ACCSL: variants seen among roughly 807,000 people sequenced by gnomAD.
ACCSL encodes the protein 1-aminocyclopropane-1-carboxylate synthase homolog (inactive) like, also known as probable inactive 1-aminocyclopropane-1-carboxylate synthase-like protein 2.
Under a neutral mutation model 61.7 loss-of-function variants are expected in ACCSL, and 55 were observed. The observed-to-expected ratio is 0.89, with a 90% confidence interval of 0.72 to 1.12. The LOEUF (loss-of-function observed/expected upper bound fraction) is 1.12, where lower values mean the gene tolerates loss of function less well. ACCSL is among the 50% of genes most tolerant of loss of function. The pLI, the probability that ACCSL is intolerant of heterozygous loss-of-function variation, is 0.00. For missense variants in ACCSL, 632 were observed against 698.0 expected, an observed-to-expected ratio of 0.91 and a Z score of 1.07; for synonymous variants, 258 against 264.3, an observed-to-expected ratio of 0.98 and a Z score of 0.23.
At chr11:43,996,615 A>C in the ACCSL span, among the ~76,000 whole-genome samples, 1 of 152,168 alleles carries the variant, frequency 6.6e-6, no homozygotes, top group African/African-American at 2.4e-5. Context: ...ACAAGTGTAC[A>C]TCTGAATCTG....
the ACCSL span, among the ~76,000 whole-genome samples, chr11:44,021,689 G>T: frequency 6.6e-6 from 1 of 152,114 alleles, no homozygotes; most frequent in Non-Finnish European, 1.5e-5. Flanking sequence ...TGAACTCTTT[G>T]CCTAAGTCAG....
At chr11:44,027,575 TC>T in the ACCSL span, among the ~76,000 whole-genome samples, 171 of 152,260 alleles carry the variant, frequency 1.1e-3, no homozygotes, top group African/African-American at 3.9e-3. Context: ...CCTTCTTCTT[TC>T]CCCTTTTTCA....
the ACCSL span, among the ~76,000 whole-genome samples, chr11:43,935,672 A>T: frequency 6.6e-6 from 1 of 152,044 alleles, no homozygotes; most frequent in East Asian, 1.9e-4. Flanking sequence ...TTTTTTAGAG[A>T]TGTGGTCTCA....
chr11:43,967,289 T>G, the ACCSL span, among the ~76,000 whole-genome samples: 12 of 148,654 alleles, frequency 8.1e-5, no homozygotes, highest in African/African-American at 1.2e-4. Flanking sequence ...GTGATTCTCC[T>G]GCCTCAGCCT....
At chr11:44,032,155 G>T in the ACCSL span, among the ~76,000 whole-genome samples, 1 of 152,182 alleles carries the variant, frequency 6.6e-6, no homozygotes, top group African/African-American at 2.4e-5. Context: ...GGGTCCTTCT[G>T]CTTCACATGG....
At chr11:44,012,232 A>G in the ACCSL span, among the ~76,000 whole-genome samples, 345 of 151,828 alleles carry the variant, frequency 2.3e-3, no homozygotes, top group Non-Finnish European at 3.2e-3. Flanking sequence ...GATGCTGGCT[A>G]GGTATGGAGA....
chr11:43,980,848 G>A, the ACCSL span, among the ~76,000 whole-genome samples: 7 of 142,932 alleles, frequency 4.9e-5, no homozygotes, highest in Admixed American at 1.4e-4. Flanking sequence ...TGGGGTAAGC[G>A]CTATTATCAT....
At chr11:44,053,158 A>G in intron 7 of ACCSL, 90 bp downstream of exon 7, 2 of 1,203,898 alleles carry the variant, frequency 1.7e-6, no homozygotes, top group Non-Finnish European at 2.4e-6. Context: ...ATTCACCAAG[A>G]CCTGGTGGGC....
At chr11:44,047,935 T>C (rs1243764316), upstream of ACCSL, 3 of 1,424,830 alleles carry the variant, frequency 2.1e-6, no homozygotes, top group Non-Finnish European at 2.8e-6. Flanking sequence ...CATCCATTCC[T>C]GGACCTGAGG....
chr11:43,986,478 C>G, the ACCSL span, among the ~76,000 whole-genome samples: 19 of 152,226 alleles, frequency 1.2e-4, no homozygotes, highest in African/African-American at 4.3e-4. Context: ...GCCAGCCTCA[C>G]AGACCTCTCC....
chr11:44,041,818 G>T, the ACCSL span, among the ~76,000 whole-genome samples: 1 of 152,178 alleles, frequency 6.6e-6, no homozygotes, highest in Non-Finnish European at 1.5e-5. Context: ...TCCCAATTGT[G>T]TAGGAGGCTG....
the ACCSL span, among the ~76,000 whole-genome samples, chr11:43,930,592 T>G: frequency 1.3e-5 from 2 of 152,132 alleles, no homozygotes; most frequent in Non-Finnish European, 2.9e-5. Flanking sequence ...CTTTCTACCA[T>G]GAATAAAAGC....
chr11:43,946,726 G>A, the ACCSL span, among the ~76,000 whole-genome samples: 3 of 152,182 alleles, frequency 2.0e-5, no homozygotes, highest in African/African-American at 4.8e-5. Context: ...TAAAAGTGAT[G>A]TCTTATTTGT....
the ACCSL span, among the ~76,000 whole-genome samples, chr11:44,015,106 G>C: frequency 6.6e-6 from 1 of 152,350 alleles, no homozygotes; most frequent in East Asian, 1.9e-4. Context: ...TGGAGTAGGT[G>C]CTCCATAAAC....
the ACCSL span, among the ~76,000 whole-genome samples, chr11:43,954,824 A>G: frequency 1.3e-5 from 2 of 151,968 alleles, no homozygotes; most frequent in African/African-American, 4.8e-5. Flanking sequence ...ATCTCAAGTG[A>G]TCCACCTGCC....
the ACCSL span, among the ~76,000 whole-genome samples, chr11:43,988,840 G>T: frequency 1.5e-5 from 2 of 135,186 alleles, no homozygotes; most frequent in South Asian, 4.8e-4. Context: ...TTGGAGACAG[G>T]GTCTGGGCTG....
At chr11:43,977,581 C>A in the ACCSL span, among the ~76,000 whole-genome samples, 1 of 152,170 alleles carries the variant, frequency 6.6e-6, no homozygotes, top group Non-Finnish European at 1.5e-5. Flanking sequence ...TGTTTTTAGC[C>A]CAGTGAGACC....
chr11:43,951,080 C>A, the ACCSL span, among the ~76,000 whole-genome samples: 1 of 152,174 alleles, frequency 6.6e-6, no homozygotes, highest in Non-Finnish European at 1.5e-5. Flanking sequence ...GAAAAGCAAT[C>A]CTGAGTCAAC....
chr11:44,049,498 G>A (rs1952622519), intron 1 of ACCSL, among the ~76,000 whole-genome samples: 2 of 151,828 alleles, frequency 1.3e-5, no homozygotes, highest in African/African-American at 2.4e-5. Flanking sequence ...CCAGGAAAGG[G>A]GGTCCTTAGC....
Sources: gnomAD v4.1 joint callset for allele counts (sites outside exome capture counted in the v4.1 genomes callset) on GRCh38, gnomAD v4.1.1 for gene constraint, MANE v1.5 for transcripts, NCBI Gene and HGNC (gene_info 2026-07-23, HGNC 2026-07-21) for gene names.